ZC3H18: variants seen among roughly 807,000 people sequenced by gnomAD.
ZC3H18 encodes zinc finger CCCH domain-containing protein 18.
ZC3H18 carries 8 observed loss-of-function variants against 106.1 expected under a neutral mutation model. The ratio of observed to expected loss-of-function variants is 0.08; its 90% CI spans 0.04 to 0.14. ZC3H18 has a LOEUF of 0.14. ZC3H18 is among the 10% of genes least tolerant of loss of function. The probability of loss-of-function intolerance (pLI) is 1.00; values close to 1 mark genes in which losing one functional copy is unlikely to be tolerated. For synonymous variants in ZC3H18, 635 were observed against 522.1 expected (o/e 1.22, Z -2.95); for missense variants, 1,318 against 1,278.4 (o/e 1.03, Z -0.47).
chr16:88,625,618 G>A (rs1906256416), intron 13 of ZC3H18: 2 of 309,694 alleles, frequency 6.5e-6, no homozygotes, highest in African/African-American at 4.3e-5. Context: ...GGCAGAGGCT[G>A]GGCCTGCGTG....
intron 15 of ZC3H18, chr16:88,628,535 G>A (rs1906459728): frequency 3.5e-6 from 2 of 576,284 alleles, no homozygotes; most frequent in Admixed American, 3.1e-5. Flanking sequence ...AGGAAGGCCT[G>A]CAGGGTGCTT....
intron 5 of ZC3H18, among the ~76,000 whole-genome samples, 164 bp from the exon 6 acceptor site, chr16:88,599,627 G>A (rs6500481): frequency 0.86 from 131,102 of 152,150 alleles, 56,726 homozygotes; most frequent in East Asian, 0.95. Flanking sequence ...CTCCCCAGAA[G>A]GACAACTGTG....
chr16:88,578,083 CAAGTT>C (rs1417739176), intron 2 of ZC3H18, among the ~76,000 whole-genome samples: 1 of 152,200 alleles, frequency 6.6e-6, no homozygotes, highest in Non-Finnish European at 1.5e-5. Flanking sequence ...AAGTGATACT[CAAGTT>C]AACACTCAAC....
Position 88,631,354 on chromosome 16 carries a change from T to G in ZC3H18, c.*55T>G. The G allele has an allele frequency of 1.3e-6, 2 of 1,547,636 alleles. No homozygotes were observed. Among genetic ancestry groups the G allele is most frequent in the Admixed American group, 3.9e-5 (2 of 50,852 alleles). On this transcript the variant is annotated 3_prime_UTR_variant, in exon 18 of 18. Coordinates refer to ENST00000301011, the MANE Select transcript of ZC3H18 (RefSeq NM_144604.4). ...TTATACATAGGGTAAGCGCAGCCATTTTGGATTTTGCAGTTAATGTCTTAT... is the reference window on the plus strand; with the variant it reads ...TTATACATAGGGTAAGCGCAGCCATGTTGGATTTTGCAGTTAATGTCTTAT...
chr16:88,624,942 A>G (rs1426159024), intron 12 of ZC3H18, among the ~76,000 whole-genome samples, 197 bp downstream of exon 12: 2 of 152,124 alleles, frequency 1.3e-5, no homozygotes, highest in Non-Finnish European at 2.9e-5. Flanking sequence ...CTGGAGCGTG[A>G]AGGGGAAGGG....
intron 8 of ZC3H18, among the ~76,000 whole-genome samples, chr16:88,615,926 C>T (rs1905572800): frequency 6.6e-6 from 1 of 152,222 alleles, no homozygotes; most frequent in African/African-American, 2.4e-5. Context: ...GGCCGCCATG[C>T]CTAAGGTTGC....
At chr16:88,586,483 C>G in intron 2 of ZC3H18, 117 bp from the exon 3 acceptor site, 1 of 841,914 alleles carries the variant, frequency 1.2e-6, no homozygotes, top group East Asian at 2.6e-5. Context: ...GACGTGAATT[C>G]AATTCCTGTG....
chr16:88,627,518 T>G lies in ZC3H18; in HGVS notation c.2109-104T>G. The G allele has an allele frequency of 2.7e-6, 4 of 1,454,546 alleles. No individual in the cohort carries two copies. The highest frequency in any genetic ancestry group is 3.7e-6 in the Non-Finnish European group (4 of 1,079,038). The allele number at this position is 1,454,546 out of a possible 1,614,324, so 90.1% of individuals were successfully genotyped here. A position where few individuals can be genotyped will look rare whatever the true frequency, so the allele number is the denominator to read the frequency against. On this transcript the variant is annotated intron_variant, in intron 13 of 17. Coordinates refer to ENST00000301011, the MANE Select transcript of ZC3H18 (RefSeq NM_144604.4). The surrounding 1 kb of genome is among the most constrained non-coding windows in gnomAD (Gnocchi z 4.5). ...CAAAATCACACATTCCGTGGGTACA[T>G]GATCCATAAATGGACACTGCGTAAA... is the stretch of plus-strand genomic sequence containing the variant.
chr16:88,622,155 C>G, intron 8 of ZC3H18, 42 bp from the exon 9 acceptor site: 2 of 1,577,400 alleles, frequency 1.3e-6, no homozygotes, highest in Non-Finnish European at 1.7e-6. Flanking sequence ...TGCTGTGAAG[C>G]GGAAGGTGGC....
intron 13 of ZC3H18, chr16:88,626,221 G>C (rs1219848360): frequency 6.6e-6 from 1 of 152,088 alleles, no homozygotes; most frequent in Non-Finnish European, 1.5e-5. Context: ...CAAAGTGCTG[G>C]GATTACAGGT....
chr16:88,577,099 C>T lies in ZC3H18; in HGVS notation c.-14-11C>T, dbSNP rs761331207. The stretch of plus-strand genomic sequence containing the variant: ...GCTAAAGGCTGTCAATCTGTATTCT[C>T]TCTTTTGCAGAACCGTGGGTACCGA... On this transcript the variant is annotated splice_polypyrimidine_tract_variant and intron_variant, in intron 1 of 17. Coordinates refer to ENST00000301011, the MANE Select transcript of ZC3H18 (RefSeq NM_144604.4). 1.3e-6 allele frequency: 2 copies of T among 1,512,540 alleles called. No individual in the cohort carries two copies. The highest frequency in any genetic ancestry group is 1.8e-6 in the Non-Finnish European group (2 of 1,130,528). The allele number at this position is 1,512,540 out of a possible 1,614,324, so 93.7% of individuals were successfully genotyped here.
chr16:88,610,764 G>C (rs556044323), intron 7 of ZC3H18, among the ~76,000 whole-genome samples: 6 of 152,384 alleles, frequency 3.9e-5, no homozygotes, highest in African/African-American at 1.2e-4. Flanking sequence ...CTCTGCTCCA[G>C]AGGCAGGGCA....
At chr16:88,624,922 G>A (rs1220670787) in intron 12 of ZC3H18, among the ~76,000 whole-genome samples, 177 bp downstream of exon 12, 4 of 152,212 alleles carry the variant, frequency 2.6e-5, no homozygotes, top group African/African-American at 9.7e-5. Context: ...CCCTCCCTGA[G>A]CCTGTGTTTC....
At chr16:88,577,017 A>T in intron 1 of ZC3H18, 93 bp from the exon 2 acceptor site, 3 of 1,358,414 alleles carry the variant, frequency 2.2e-6, no homozygotes, top group Non-Finnish European at 3.0e-6. Flanking sequence ...ACCAAGCAGG[A>T]TGGAAGTCCT....
intron 1 of ZC3H18, 130 bp from the exon 2 acceptor site, chr16:88,576,980 G>A (rs931871983): frequency 1.6e-5 from 14 of 859,846 alleles, no homozygotes; most frequent in African/African-American, 8.5e-5. Flanking sequence ...AGAGTGGAGT[G>A]TGGGATTTGG....
rs774798505 is a variant in ZC3H18, at chr16:88,624,695, C to T, written c.1992C>T (p.Asp664=). Reference sequence around the variant, plus strand: ...TCCCCGAGCCCACCAAGCCAGGAGACCCTCGGGAAGCCAGGAGGAAGGAGC... The same window carrying T: ...TCCCCGAGCCCACCAAGCCAGGAGATCCTCGGGAAGCCAGGAGGAAGGAGC... ...APVPEPTKPG[D]PREARRKERP... The change falls in exon 12 of 18, where the codon GAC becomes GAT. Residue 664 remains aspartate, a synonymous_variant. Transcript: ENST00000301011. 13 of 1,612,818 alleles carry T rather than the reference C, an allele frequency of 8.1e-6. No homozygotes were observed. Among genetic ancestry groups the T allele is most frequent in the Admixed American group, 1.7e-5 (1 of 59,968 alleles).
chr16:88,611,595 C>T lies in ZC3H18; in HGVS notation c.1475+59C>T, dbSNP rs1054245750. 5.3e-6 allele frequency: 8 copies of T among 1,517,882 alleles called. No homozygotes were observed. The Admixed American group carries it at 1.7e-4, about 31-fold the overall frequency. The allele number at this position is 1,517,882 out of a possible 1,614,324, so 94.0% of individuals were successfully genotyped here. On this transcript the variant is annotated intron_variant, in intron 8 of 17. Transcript: ENST00000301011. ...GGGAGGTCCGGCATGCAGCTCTGTA[C>T]CTAGTCCCCCTGGCCTGCGCTTCCC...
intron 1 of ZC3H18, among the ~76,000 whole-genome samples, chr16:88,574,856 G>T (rs1320792506): frequency 2.1e-5 from 3 of 142,720 alleles, no homozygotes; most frequent in Non-Finnish European, 4.6e-5. Flanking sequence ...TTGAGACGGA[G>T]TCTCGCTCTG....
At chr16:88,630,808 G>A (rs1906638602) in intron 17 of ZC3H18, among the ~76,000 whole-genome samples, 1 of 148,938 alleles carries the variant, frequency 6.7e-6, no homozygotes, top group Non-Finnish European at 1.5e-5. Flanking sequence ...GCTGGAGGGT[G>A]CCCTCTGCTC....
Sources: gnomAD v4.1 joint callset for allele counts (sites outside exome capture counted in the v4.1 genomes callset) on GRCh38, gnomAD v4.1.1 for gene constraint, Gnocchi (gnomAD v3.1) non-coding constraint, MANE v1.5 for transcripts, NCBI Gene and HGNC (gene_info 2026-07-23, HGNC 2026-07-21) for gene names.